AP3B1: variants seen among roughly 807,000 people sequenced by gnomAD.
AP3B1 encodes the protein adaptor related protein complex 3 subunit beta 1, also known as AP-3 complex subunit beta-1.
A neutral mutation model predicts 132.5 loss-of-function variants in AP3B1; 61 were observed. That is an observed-to-expected ratio of 0.46 (90% confidence interval 0.37 to 0.57). The LOEUF is 0.57. Among genes scored for constraint, AP3B1 ranks in the 20% least tolerant of loss-of-function variants. The probability of loss-of-function intolerance (pLI) is 0.00; values close to 1 mark genes in which losing one functional copy is unlikely to be tolerated. For missense variants in AP3B1, 1,120 were observed against 1,289.4 expected (o/e 0.87, Z 2.01); for synonymous variants, 388 against 438.3 (o/e 0.89, Z 1.43).
At chr5:78,230,087 C>T (rs1439202455) in intron 3 of AP3B1, among the ~76,000 whole-genome samples, 1 of 152,156 alleles carries the variant, frequency 6.6e-6, no homozygotes, top group African/African-American at 2.4e-5. Context: ...AGATGAGGTA[C>T]TTCCACAGAT....
chr5:78,012,995 T>C (rs1412847693), intron 26 of AP3B1, among the ~76,000 whole-genome samples: 2 of 152,196 alleles, frequency 1.3e-5, no homozygotes, highest in East Asian at 3.9e-4. Context: ...TATCTCCCAA[T>C]AGGAAGATAG....
chr5:78,239,757 T>G (rs1353691265), intron 3 of AP3B1, among the ~76,000 whole-genome samples: 4 of 130,434 alleles, frequency 3.1e-5, no homozygotes, highest in Admixed American at 8.8e-5. Flanking sequence ...CCAGCCTGAG[T>G]GACGAAGTGA....
At chr5:78,035,355 ACAAT>A (rs1268742529) in intron 23 of AP3B1, among the ~76,000 whole-genome samples, 1 of 152,028 alleles carries the variant, frequency 6.6e-6, no homozygotes, top group Non-Finnish European at 1.5e-5. Context: ...GCTATACCAT[ACAAT>A]CACTTTATAT....
chr5:78,287,127 G>T (rs1749314685), intron 1 of AP3B1, among the ~76,000 whole-genome samples: 1 of 152,072 alleles, frequency 6.6e-6, no homozygotes, highest in African/African-American at 2.4e-5. Context: ...TTTTTCATGT[G>T]CTTTAATCAT....
At position 78,276,728 on chromosome 5, in the gene AP3B1, G is replaced by A. The variant is rs568526229; in HGVS notation, c.129-9133C>T. On this transcript the variant is annotated intron_variant, in intron 1 of 26. Transcript: ENST00000255194. ...ACAAAAAAAACAAAAAATTAGTCAGGCATGGTGGCATGCACCTTTAGTCCC... is the reference window on the plus strand; with the variant it reads ...ACAAAAAAAACAAAAAATTAGTCAGACATGGTGGCATGCACCTTTAGTCCC... 2.6e-5 allele frequency among the ~76,000 whole-genome samples: 4 copies of A among 152,092 alleles called. No homozygotes were observed. In the East Asian group the frequency reaches 7.7e-4, roughly 29 times the overall value.
At position 78,224,930 on chromosome 5, in the gene AP3B1, A is replaced by G. The variant is rs538448179; in HGVS notation, c.603+612T>C. On this transcript the variant is annotated intron_variant, in intron 6 of 26. Transcript: ENST00000255194. ...AGTAGGCATAAGATCAGCAAAGTAG[A>G]AGATTTGAACAACACTAAAAAACAG... 1.9e-4 allele frequency among the ~76,000 whole-genome samples: 29 copies of G among 152,218 alleles called. 1 individual carries two copies. The South Asian group carries it at 4.1e-3, about 22-fold the overall frequency.
chr5:78,250,234 A>G (rs530773773), intron 2 of AP3B1, among the ~76,000 whole-genome samples: 6 of 152,298 alleles, frequency 3.9e-5, no homozygotes, highest in Middle Eastern at 3.4e-3. Flanking sequence ...ACCAAACAGC[A>G]GAATATATAG....
chr5:78,212,604 G>A (rs1479502156), intron 7 of AP3B1, among the ~76,000 whole-genome samples: 1 of 152,120 alleles, frequency 6.6e-6, no homozygotes, highest in Non-Finnish European at 1.5e-5. Context: ...GGGCTAGAGT[G>A]AAGACATTTC....
At chr5:78,033,740 G>C (rs1747677753) in intron 24 of AP3B1, among the ~76,000 whole-genome samples, 1 of 151,886 alleles carries the variant, frequency 6.6e-6, no homozygotes, top group South Asian at 2.1e-4. Context: ...CACAAGAAAT[G>C]TATAAAGCAT....
At chr5:78,174,383 T>C (rs564515607) in intron 11 of AP3B1, among the ~76,000 whole-genome samples, 1 of 152,312 alleles carries the variant, frequency 6.6e-6, no homozygotes, top group East Asian at 1.9e-4. Context: ...GTGGATATCC[T>C]TTTAGTTGAT....
At chr5:78,051,208 G>A (rs1430129463) in intron 22 of AP3B1, among the ~76,000 whole-genome samples, 8 of 152,134 alleles carry the variant, frequency 5.3e-5, no homozygotes, top group Non-Finnish European at 5.9e-5. Flanking sequence ...ATTTATAAGA[G>A]CTGTTATCTC....
chr5:78,119,456 A>G (rs1752047373), intron 17 of AP3B1, among the ~76,000 whole-genome samples: 1 of 152,198 alleles, frequency 6.6e-6, no homozygotes, highest in South Asian at 2.1e-4. Flanking sequence ...AAATTAGACG[A>G]ATGGATACCT....
intron 1 of AP3B1, among the ~76,000 whole-genome samples, chr5:78,267,924 A>G (rs558982667): frequency 6.6e-6 from 1 of 152,314 alleles, no homozygotes; most frequent in Admixed American, 6.5e-5. Flanking sequence ...AAAAATAAGT[A>G]AAAGCTAAGC....
At chr5:78,069,263 G>A (rs1246509509) in intron 22 of AP3B1, among the ~76,000 whole-genome samples, 4 of 152,100 alleles carry the variant, frequency 2.6e-5, no homozygotes, top group African/African-American at 9.7e-5. Flanking sequence ...GGTCAATCAG[G>A]CAAGAGAAAG....
At chr5:78,227,327 A>C (rs750348264) in intron 5 of AP3B1, 45 bp downstream of exon 5, 15 of 1,585,302 alleles carry the variant, frequency 9.5e-6, no homozygotes, top group Non-Finnish European at 1.2e-5. Context: ...ATAACATTCC[A>C]TGTAACATCA....
intron 1 of AP3B1, among the ~76,000 whole-genome samples, chr5:78,290,943 T>C (rs1164519297): frequency 6.6e-6 from 1 of 152,048 alleles, no homozygotes; most frequent in Non-Finnish European, 1.5e-5. Flanking sequence ...GAGTAAGACA[T>C]GTCTCAAAAA....
At chr5:78,280,660 A>G (rs1431025418) in intron 1 of AP3B1, among the ~76,000 whole-genome samples, 1 of 151,002 alleles carries the variant, frequency 6.6e-6, no homozygotes, top group East Asian at 1.9e-4. Flanking sequence ...TCAAAGCTAG[A>G]TTAATTTTTA....
At chr5:78,230,877 G>T (rs986314850) in intron 3 of AP3B1, among the ~76,000 whole-genome samples, 5 of 152,110 alleles carry the variant, frequency 3.3e-5, no homozygotes, top group African/African-American at 1.2e-4. Context: ...CAGCACTTTG[G>T]GAGGCTGAGA....
chr5:78,118,467 T>C (rs1195333328), intron 17 of AP3B1, among the ~76,000 whole-genome samples: 1 of 152,164 alleles, frequency 6.6e-6, no homozygotes, highest in Non-Finnish European at 1.5e-5. Flanking sequence ...ATCGGGTCAC[T>C]CCCACCCTAA....
Sources: gnomAD v4.1 joint callset for allele counts (sites outside exome capture counted in the v4.1 genomes callset) on GRCh38, gnomAD v4.1.1 for gene constraint, MANE v1.5 for transcripts, NCBI Gene and HGNC (gene_info 2026-07-23, HGNC 2026-07-21) for gene names.